PTPRN2: variants seen among roughly 807,000 people sequenced by gnomAD.
PTPRN2 encodes the protein protein tyrosine phosphatase receptor type N2.
In PTPRN2, 74 loss-of-function variants were observed where a neutral mutation model predicts 118.8. That is an observed-to-expected ratio of 0.62 (90% CI 0.52 to 0.76). PTPRN2 has a LOEUF of 0.76. Among genes scored for constraint, PTPRN2 ranks in the 30% least tolerant of loss-of-function variants. The pLI is 0.00. For missense variants in PTPRN2, 1,481 were observed against 1,394.4 expected (o/e 1.06, Z -0.99); for synonymous variants, 641 against 608.0 (o/e 1.05, Z -0.80).
intron 1 of PTPRN2, among the ~76,000 whole-genome samples, chr7:158,494,666 A>G (rs112508092): frequency 1.7e-3 from 252 of 152,288 alleles, no homozygotes; most frequent in African/African-American, 5.9e-3. Flanking sequence ...CTGGGATCCA[A>G]CTGCAAACAG....
intron 19 of PTPRN2, among the ~76,000 whole-genome samples, chr7:157,575,445 A>G (rs1799981494): frequency 1.3e-5 from 2 of 152,240 alleles, no homozygotes; most frequent in African/African-American, 2.4e-5. Flanking sequence ...GGCAGGGGCC[A>G]CTGAGTGTGT....
Position 157,990,836 on chromosome 7 carries a change from G to A in PTPRN2, c.1723+90462C>T, listed in dbSNP as rs538304518. 6.6e-5 allele frequency among the ~76,000 whole-genome samples: 10 copies of A among 152,238 alleles called. No individual in the cohort carries two copies. In the South Asian group the frequency reaches 2.1e-3, roughly 32 times the overall value. Reference sequence around the variant, plus strand: ...GGTGAGTGAATGGACAGGCAGGAGTGACCAGCCCAGTCCCAGCGCTTACCG... The same window carrying A: ...GGTGAGTGAATGGACAGGCAGGAGTAACCAGCCCAGTCCCAGCGCTTACCG... On this transcript the variant is annotated intron_variant, in intron 11 of 22. Transcript: ENST00000389418. This position sits in a 1 kb window ranked among gnomAD's most constrained non-coding sequence, Gnocchi z 4.3.
intron 11 of PTPRN2, among the ~76,000 whole-genome samples, chr7:157,991,790 G>A (rs945958809): frequency 1.3e-5 from 2 of 151,398 alleles, no homozygotes; most frequent in Non-Finnish European, 3.0e-5. Flanking sequence ...GCAAGAGTGA[G>A]ATTAGACCCT....
Position 157,568,955 on chromosome 7 carries a change from C to T in PTPRN2, c.2849G>A (p.Gly950Asp), listed in dbSNP as rs1585043886. Residue 950 changes from glycine (G) to aspartate (D), a missense_variant, in exon 21 of 23, where the codon GGC becomes GAC. Around this residue, in one of 3 missense-constraint regions of PTPRN2, gnomAD observed 362 missense variants for 384.1 expected, o/e 0.94. Coordinates refer to ENST00000389418, the MANE Select transcript of PTPRN2 (RefSeq NM_002847.5). The stretch of plus-strand genomic sequence containing the variant: ...GATCAGGACGTAGGTGCCGCTCCGG[C>T]CTGCACCGTCACTGCCAACAGAAGG... ...PIIVHCSDGA[G>D]RSGTYVLIDM... The T allele has an allele frequency of 1.3e-6, 2 of 1,573,326 alleles. No individual in the cohort carries two copies. Among genetic ancestry groups the T allele is most frequent in the African/African-American group, 2.7e-5 (2 of 73,946 alleles).
chr7:157,794,175 G>C lies in PTPRN2; in HGVS notation c.1788+104498C>G, dbSNP rs1422889708. The stretch of plus-strand genomic sequence containing the variant: ...CTGACCCGGGCTCGCACCTCTCCTC[G>C]TTCTCTGCCCTGACCCGGGATCACA... On this transcript the variant is annotated intron_variant, in intron 12 of 22. Coordinates refer to ENST00000389418, the MANE Select transcript of PTPRN2 (RefSeq NM_002847.5). The surrounding 1 kb of genome is among the most constrained non-coding windows in gnomAD (Gnocchi z 5.2). Among the ~76,000 whole-genome samples, 14 of 135,600 alleles carry C rather than the reference G, an allele frequency of 1.0e-4. No homozygotes were observed. Among genetic ancestry groups the C allele is most frequent in the Admixed American group, 1.0e-3 (14 of 13,654 alleles). The allele number at this position is 135,600 out of a possible 152,430, so 89.0% of individuals were successfully genotyped here.
At chr7:158,443,768 G>A (rs1817534850) in intron 2 of PTPRN2, among the ~76,000 whole-genome samples, 1 of 152,180 alleles carries the variant, frequency 6.6e-6, no homozygotes, top group Admixed American at 6.5e-5. Context: ...GTGGCCAGCA[G>A]GTGAATCACA....
At chr7:158,159,588 T>C (rs981486427) in intron 6 of PTPRN2, among the ~76,000 whole-genome samples, 3 of 152,124 alleles carry the variant, frequency 2.0e-5, no homozygotes, top group Non-Finnish European at 4.4e-5. Flanking sequence ...TGGTTACCGG[T>C]TTTGTTTCCC....
intron 2 of PTPRN2, among the ~76,000 whole-genome samples, chr7:158,458,532 C>T (rs995353239): frequency 3.3e-5 from 5 of 152,086 alleles, no homozygotes; most frequent in African/African-American, 1.2e-4. Flanking sequence ...AAAACCACGC[C>T]CCCACCCAAC....
intron 1 of PTPRN2, among the ~76,000 whole-genome samples, chr7:158,516,047 A>G (rs1054772338): frequency 3.9e-5 from 6 of 152,024 alleles, no homozygotes; most frequent in African/African-American, 1.2e-4. Flanking sequence ...TGGTGATTGC[A>G]CCTCACAGAA....
At chr7:158,159,294 C>T (rs2150566067) in intron 6 of PTPRN2, among the ~76,000 whole-genome samples, 1 of 152,382 alleles carries the variant, frequency 6.6e-6, no homozygotes, top group South Asian at 2.1e-4. Flanking sequence ...CAAGTTCTTC[C>T]AGCTTCCACA....
chr7:157,913,788 C>CT (rs1798227051), intron 11 of PTPRN2, among the ~76,000 whole-genome samples: 1 of 152,172 alleles, frequency 6.6e-6, no homozygotes, highest in Admixed American at 6.5e-5. Flanking sequence ...AAATTTCTCT[C>CT]TAATTGTCAT....
intron 3 of PTPRN2, among the ~76,000 whole-genome samples, chr7:158,211,881 G>T (rs959244891): frequency 6.6e-6 from 1 of 152,070 alleles, no homozygotes; most frequent in Non-Finnish European, 1.5e-5. Flanking sequence ...ATACCCAAAA[G>T]GTAATCAGTG....
chr7:158,320,653 G>A (rs886139657), intron 2 of PTPRN2, among the ~76,000 whole-genome samples: 7 of 152,178 alleles, frequency 4.6e-5, no homozygotes, highest in East Asian at 1.9e-4. Flanking sequence ...GGTGTGTATC[G>A]GTATCTCATG....
intron 2 of PTPRN2, among the ~76,000 whole-genome samples, chr7:158,481,650 G>A (rs1357442055): frequency 6.6e-6 from 1 of 152,152 alleles, no homozygotes; most frequent in Non-Finnish European, 1.5e-5. Flanking sequence ...TTTTAGTAGA[G>A]ACAGGGTTTC....
intron 1 of PTPRN2, among the ~76,000 whole-genome samples, chr7:158,501,372 G>C (rs928731687): frequency 6.6e-6 from 1 of 152,214 alleles, no homozygotes; most frequent in Non-Finnish European, 1.5e-5. Context: ...CAGATGGAGC[G>C]CCCCAGTTCA....
chr7:158,419,946 G>C (rs754147188), intron 2 of PTPRN2, among the ~76,000 whole-genome samples: 4 of 152,170 alleles, frequency 2.6e-5, no homozygotes, highest in Admixed American at 6.5e-5. Flanking sequence ...CCCGAGCTGT[G>C]CCTGAACCTC....
At chr7:158,325,824 G>C (rs1200324799) in intron 2 of PTPRN2, among the ~76,000 whole-genome samples, 1 of 152,234 alleles carries the variant, frequency 6.6e-6, no homozygotes, top group East Asian at 1.9e-4. Flanking sequence ...AGCCATCGCT[G>C]AGACAGACAC....
At chr7:157,938,080 C>T (rs1459106447) in intron 11 of PTPRN2, among the ~76,000 whole-genome samples, 1 of 152,332 alleles carries the variant, frequency 6.6e-6, no homozygotes, top group Non-Finnish European at 1.5e-5. Context: ...CCCGGCTGTT[C>T]AAAGCTAAGA....
chr7:158,242,574 T>G (rs1295246101), intron 3 of PTPRN2, among the ~76,000 whole-genome samples: 1 of 152,246 alleles, frequency 6.6e-6, no homozygotes, highest in Admixed American at 6.5e-5. Context: ...TGTTTCCTCC[T>G]CTTCAGTGTT....
Sources: allele counts gnomAD v4.1 joint callset (sites outside exome capture counted in the v4.1 genomes callset), GRCh38; gene constraint gnomAD v4.1.1; regional missense constraint gnomAD v4.1.1; non-coding constraint Gnocchi (gnomAD v3.1); transcripts MANE v1.5; gene names NCBI Gene and HGNC (gene_info 2026-07-23, HGNC 2026-07-21).